Variants in ZDHHC1 observed in about 807,000 individuals in gnomAD.
ZDHHC1 encodes zDHHC palmitoyltransferase 1, also known as palmitoyltransferase ZDHHC1.
Under a neutral mutation model 46.9 loss-of-function variants are expected in ZDHHC1, and 45 were observed. That is an observed-to-expected ratio of 0.96 (90% confidence interval 0.76 to 1.23). The LOEUF is 1.23. Ranked by LOEUF, ZDHHC1 falls within the 50% of genes most tolerant of loss-of-function variation. The pLI is 0.00. For missense variants in ZDHHC1, 649 were observed against 670.8 expected (o/e 0.97, Z 0.36); for synonymous variants, 291 against 286.0 (o/e 1.02, Z -0.18).
chr16:67,394,992 A>G lies in ZDHHC1; in HGVS notation c.1165+10T>C. The G allele has an allele frequency of 6.2e-7, 1 of 1,604,938 alleles. No homozygotes were observed. On this transcript the variant is annotated intron_variant, in intron 11 of 11. Coordinates refer to ENST00000565726, the MANE Select transcript of ZDHHC1 (RefSeq NM_001323627.2). ...CCCAGAGCAGGACCCGGACAGGGAG[A>G]GGCGCTCACCCGACGCCGGATCCGA... is the stretch of plus-strand genomic sequence containing the variant.
intron 3 of ZDHHC1, among the ~76,000 whole-genome samples, chr16:67,404,001 C>T (rs1299240286): frequency 6.6e-6 from 1 of 152,078 alleles, no homozygotes; most frequent in East Asian, 1.9e-4. Context: ...TTGGAAAGAG[C>T]AGGAATGCAG....
chr16:67,402,224 C>T (rs1392790391), intron 3 of ZDHHC1, among the ~76,000 whole-genome samples: 3 of 152,228 alleles, frequency 2.0e-5, no homozygotes, highest in Non-Finnish European at 4.4e-5. Context: ...CCCAACTCTG[C>T]GCCTTCTGTC....
chr16:67,399,471 G>A lies in ZDHHC1; in HGVS notation c.429-15C>T, dbSNP rs1331109587. 4 of 1,600,556 alleles carry A rather than the reference G, an allele frequency of 2.5e-6. No homozygotes were observed. The highest frequency in any genetic ancestry group is 3.4e-6 in the Non-Finnish European group (4 of 1,170,946). Reference sequence around the variant, plus strand: ...AGCGAGCGCTCCTGCAGGGAGAGGGGGCACAGCGCGATTGGCCGGCTCATT... The same window carrying A: ...AGCGAGCGCTCCTGCAGGGAGAGGGAGCACAGCGCGATTGGCCGGCTCATT... On this transcript the variant is annotated splice_polypyrimidine_tract_variant and intron_variant, in intron 4 of 11. Coordinates refer to ENST00000565726, the MANE Select transcript of ZDHHC1 (RefSeq NM_001323627.2).
At chr16:67,415,227 G>A (rs1263299562) in intron 1 of ZDHHC1, among the ~76,000 whole-genome samples, 1 of 152,170 alleles carries the variant, frequency 6.6e-6, no homozygotes, top group Non-Finnish European at 1.5e-5. Flanking sequence ...GGAGGCTGAG[G>A]CAAGAGGATC....
chr16:67,415,255 C>G (rs2040815004), intron 1 of ZDHHC1, among the ~76,000 whole-genome samples: 1 of 151,964 alleles, frequency 6.6e-6, no homozygotes, highest in Non-Finnish European at 1.5e-5. Flanking sequence ...ACCAGGAGCT[C>G]GAGACCAGCC....
At chr16:67,398,401 C>T in intron 7 of ZDHHC1, 77 bp from the exon 8 acceptor site, 2 of 1,543,574 alleles carry the variant, frequency 1.3e-6, no homozygotes, top group Non-Finnish European at 1.8e-6. Flanking sequence ...GACAACCAGC[C>T]CCAGGCTGAA....
rs928294344 is a variant in ZDHHC1, at chr16:67,401,261, T to C, written c.253-129A>G. 3.9e-6 allele frequency: 5 copies of C among 1,285,006 alleles called. No individual in the cohort carries two copies. The highest frequency in any genetic ancestry group is 2.7e-4 in the Middle Eastern group (1 of 3,718). 79.6% of individuals were successfully genotyped at this position (1,285,006 alleles called of 1,614,324 possible). The stretch of plus-strand genomic sequence containing the variant: ...CAGATTCTCTGCCTCTGCCACCTCC[T>C]ACCTCCAGTCCCCCAAAGCCTCCTC... On this transcript the variant is annotated intron_variant, in intron 3 of 11. Transcript: ENST00000565726. The surrounding 1 kb of genome is among the most constrained non-coding windows in gnomAD (Gnocchi z 4.6).
chr16:67,407,880 CCTG>C, intron 1 of ZDHHC1, 67 bp from the exon 2 acceptor site: 1 of 722,514 alleles, frequency 1.4e-6, no homozygotes, highest in Non-Finnish European at 2.6e-6. Flanking sequence ...AGCCATCTGG[CCTG>C]CTTTCTCCTG....
At chr16:67,412,570 C>G (rs2040764794) in intron 1 of ZDHHC1, among the ~76,000 whole-genome samples, 1 of 152,172 alleles carries the variant, frequency 6.6e-6, no homozygotes, top group African/African-American at 2.4e-5. Flanking sequence ...CACAGAACTT[C>G]CTATGAACTG....
At chr16:67,413,530 C>T (rs1029404640) in intron 1 of ZDHHC1, among the ~76,000 whole-genome samples, 3 of 152,194 alleles carry the variant, frequency 2.0e-5, no homozygotes, top group African/African-American at 7.2e-5. Context: ...AACGGATGCG[C>T]ATCACACAAC....
rs1363084327 is a variant in ZDHHC1, at chr16:67,394,733, G to A, written c.1326C>T (p.Ala442=). 7 of 1,409,150 alleles carry A rather than the reference G, an allele frequency of 5.0e-6. No homozygotes were observed. Among genetic ancestry groups the A allele is most frequent in the Admixed American group, 3.1e-5 (1 of 32,212 alleles). 87.3% of individuals were successfully genotyped at this position (1,409,150 alleles called of 1,614,324 possible). ...AQTRLGSAAL[A]APRGRGRQPT... ...GCTGTCGGCCCCGGCCCCGCGGGGCGGCCAGAGCGGCGCTGCCCAGGCGCG... is the reference window on the plus strand; with the variant it reads ...GCTGTCGGCCCCGGCCCCGCGGGGCAGCCAGAGCGGCGCTGCCCAGGCGCG... The change falls in exon 12 of 12, where the codon GCC becomes GCT. Residue 442 remains alanine (A), a synonymous_variant. Coordinates refer to ENST00000565726, the MANE Select transcript of ZDHHC1 (RefSeq NM_001323627.2).
rs1394740903 is a variant in ZDHHC1 at position 67,399,452 on chromosome 16, C to T, written c.433G>A (p.Ala145Thr). 6.2e-7 allele frequency: 1 copy of T among 1,611,170 alleles called. No individual in the cohort carries two copies. Among genetic ancestry groups the T allele is most frequent in the Non-Finnish European group, 8.5e-7 (1 of 1,178,604 alleles). Residue 145 changes from alanine to threonine, a missense_variant, in exon 5 of 12, where the codon GCT becomes ACT. Physicochemically the swap from Ala to Thr is moderately conservative, Grantham distance 58 (BLOSUM62 0). Transcript: ENST00000565726. ...HCNLCNVDVS[A>T]RSKHCSACNK... ...CAGGCGCTGCAGTGCTTGGAGCGAG[C>T]GCTCCTGCAGGGAGAGGGGGCACAG...
Position 67,394,633 on chromosome 16 carries a change from C to T in ZDHHC1, c.1426G>A (p.Gly476Ser). The T allele has an allele frequency of 8.3e-7, 1 of 1,200,782 alleles. No homozygotes were observed. 74.4% of individuals were successfully genotyped at this position (1,200,782 alleles called of 1,614,324 possible). The part of the protein sequence containing the change: ...PSSGEPRAPG[G>S]REAGLA ...AGCTAAGCCAGACCAGCCTCCCGGC[C>T]GCCCGGCGCCCTGGGCTCGCCGCTG... is the stretch of plus-strand genomic sequence containing the variant. Residue 476 changes from glycine to serine, a missense_variant, in exon 12 of 12, where the codon GGC becomes AGC. Gly to Ser is a moderately conservative substitution (Grantham distance 56). Transcript: ENST00000565726.
intron 3 of ZDHHC1, chr16:67,404,646 C>A (rs1567519924): frequency 4.4e-6 from 2 of 454,096 alleles, no homozygotes; most frequent in Non-Finnish European, 8.8e-6. Context: ...GCTTCCTGGG[C>A]AGCCCATCTG....
chr16:67,400,554 C>G (rs941095603), intron 4 of ZDHHC1, among the ~76,000 whole-genome samples: 1 of 152,204 alleles, frequency 6.6e-6, no homozygotes, highest in Non-Finnish European at 1.5e-5. Flanking sequence ...CCTTTCTAAG[C>G]GCTGGGCTCT....
rs2040553876 is a variant in ZDHHC1, at chr16:67,401,551, G to A, written c.253-419C>T. ...CCAAGAACCTGAAGTTTAAGTCCCA[G>A]CTTCCTTATCTTGCTTTCATAGGAA... On this transcript the variant is annotated intron_variant, in intron 3 of 11. Transcript: ENST00000565726. This position sits in a 1 kb window ranked among gnomAD's most constrained non-coding sequence, Gnocchi z 4.6. Among the ~76,000 whole-genome samples the A allele has an allele frequency of 1.3e-5, 2 of 152,192 alleles. No individual in the cohort carries two copies. Among genetic ancestry groups the A allele is most frequent in the South Asian group, 4.1e-4 (2 of 4,830 alleles).
chr16:67,407,476 CAG>C (rs780131635), intron 2 of ZDHHC1, among the ~76,000 whole-genome samples: 1 of 152,228 alleles, frequency 6.6e-6, no homozygotes, highest in Non-Finnish European at 1.5e-5. Context: ...GACCCCGACT[CAG>C]TGCATCTTCC....
Position 67,395,335 on chromosome 16 carries a change from C to T in ZDHHC1, c.1011-55G>A. The stretch of plus-strand genomic sequence containing the variant: ...GGCCTGTTCCCCAAATCCCTCCCCA[C>T]TGGAGGTGCTGAGAGAAGCTTCCCT... On this transcript the variant is annotated intron_variant, in intron 9 of 11. Coordinates refer to ENST00000565726, the MANE Select transcript of ZDHHC1 (RefSeq NM_001323627.2). 3 of 1,495,722 alleles carry T rather than the reference C, an allele frequency of 2.0e-6. No homozygotes were observed. The South Asian group carries it at 4.0e-5, about 20-fold the overall frequency. 92.7% of individuals were successfully genotyped at this position (1,495,722 alleles called of 1,614,324 possible).
intron 1 of ZDHHC1, among the ~76,000 whole-genome samples, chr16:67,415,084 G>A (rs571890496): frequency 1.3e-5 from 2 of 152,252 alleles, no homozygotes; most frequent in Non-Finnish European, 2.9e-5. Flanking sequence ...GCAGTGAGCC[G>A]AGATTGTGCC....
Sources: allele counts gnomAD v4.1 joint callset (sites outside exome capture counted in the v4.1 genomes callset), GRCh38; gene constraint gnomAD v4.1.1; non-coding constraint Gnocchi (gnomAD v3.1); transcripts MANE v1.5; gene names NCBI Gene and HGNC (gene_info 2026-07-23, HGNC 2026-07-21).